The following DLC1 variants were observed in gnomAD, a reference collection of about 807,000 sequenced individuals.
The protein encoded by DLC1 is rho GTPase-activating protein 7.
Under a neutral mutation model 140.3 loss-of-function variants are expected in DLC1, and 54 were observed. The observed-to-expected ratio is 0.38, with a 90% CI of 0.31 to 0.48. The LOEUF (loss-of-function observed/expected upper bound fraction) is 0.48. Ranked by LOEUF, DLC1 falls within the 20% of genes least tolerant of loss-of-function variation. The pLI is 0.96. For missense variants in DLC1, 2,536 were observed against 1,907.0 expected (o/e 1.33, Z -6.14); for synonymous variants, 986 against 728.1 (o/e 1.35, Z -5.70).
chr8:13,308,051 C>T (rs1489650484), intron 4 of DLC1, among the ~76,000 whole-genome samples: 2 of 152,340 alleles, frequency 1.3e-5, no homozygotes, highest in South Asian at 2.1e-4. Context: ...AAGTTGAAAG[C>T]TTTGCCCCAA....
chr8:13,171,447 G>T (rs1269650524), intron 5 of DLC1, among the ~76,000 whole-genome samples: 2 of 151,500 alleles, frequency 1.3e-5, no homozygotes, highest in Non-Finnish European at 3.0e-5. Context: ...CTGTCACCCA[G>T]ACTGGAGTGC....
intron 4 of DLC1, among the ~76,000 whole-genome samples, chr8:13,330,212 A>G (rs1039827696): frequency 1.3e-5 from 2 of 152,172 alleles, no homozygotes; most frequent in Non-Finnish European, 2.9e-5. Flanking sequence ...TCGGCCTCCC[A>G]AAATGCTGGG....
At chr8:13,506,573 G>GTC (rs1490004716) in intron 1 of DLC1, among the ~76,000 whole-genome samples, 309 of 9,592 alleles carry the variant, frequency 0.032, 5 homozygotes, top group Non-Finnish European at 0.15. Flanking sequence ...ACACATGTGT[G>GTC]TGTGTGTGTA....
intron 5 of DLC1, among the ~76,000 whole-genome samples, chr8:13,123,258 G>C (rs1056681949): frequency 1.1e-4 from 16 of 152,182 alleles, no homozygotes; most frequent in Admixed American, 9.8e-4. Flanking sequence ...GCCCCTGTCA[G>C]GACCCTGCCT....
intron 5 of DLC1, among the ~76,000 whole-genome samples, chr8:13,188,777 ATGTGTGTG>A (rs201849073): frequency 9.2e-6 from 1 of 108,866 alleles, no homozygotes; most frequent in Non-Finnish European, 1.8e-5. Context: ...TGCCCAGCTA[ATGTGTGTG>A]TGTGTGTGTG....
At chr8:13,142,225 T>G (rs529712041) in intron 5 of DLC1, among the ~76,000 whole-genome samples, 51 of 152,332 alleles carry the variant, frequency 3.3e-4, no homozygotes, top group African/African-American at 1.1e-3. Context: ...CTTTATAAAT[T>G]ACCCAGTCTT....
At chr8:13,434,684 A>G (rs574681085) in intron 2 of DLC1, among the ~76,000 whole-genome samples, 2 of 152,142 alleles carry the variant, frequency 1.3e-5, no homozygotes, top group South Asian at 2.1e-4. Flanking sequence ...TTTTATTATT[A>G]GTAGTATTTT....
chr8:13,143,943 G>C (rs1223223349), intron 5 of DLC1, among the ~76,000 whole-genome samples: 2 of 152,090 alleles, frequency 1.3e-5, no homozygotes, highest in Non-Finnish European at 2.9e-5. Flanking sequence ...AAGGCTTTAA[G>C]AGAGGCTGAC....
chr8:13,132,978 C>A (rs1345260040), intron 5 of DLC1: 30 of 1,611,240 alleles, frequency 1.9e-5, no homozygotes, highest in Non-Finnish European at 2.5e-5. Context: ...TCTTTCTGCA[C>A]ATCAAGCACG....
At chr8:13,454,492 T>G (rs1799301555) in intron 2 of DLC1, among the ~76,000 whole-genome samples, 1 of 151,904 alleles carries the variant, frequency 6.6e-6, no homozygotes, top group Admixed American at 6.6e-5. Context: ...AAGAAGGAGT[T>G]AGACTTGGAA....
intron 5 of DLC1, among the ~76,000 whole-genome samples, chr8:13,252,058 C>A (rs1830030447): frequency 1.3e-5 from 2 of 152,176 alleles, no homozygotes; most frequent in South Asian, 4.1e-4. Context: ...GAGCAAGTGA[C>A]CTTTAAGACT....
chr8:13,188,835 ATATATATATT>A (rs1563149802), intron 5 of DLC1, among the ~76,000 whole-genome samples: 24 of 26,538 alleles, frequency 9.0e-4, no homozygotes, highest in African/African-American at 2.8e-3. Context: ...ATGTATATAT[ATATATATATT>A]TTTTTTTTTT....
intron 2 of DLC1, among the ~76,000 whole-genome samples, chr8:13,415,335 A>T (rs989269441): frequency 6.6e-6 from 1 of 152,150 alleles, no homozygotes; most frequent in African/African-American, 2.4e-5. Flanking sequence ...AAGCATAAGC[A>T]TATAAGGATA....
chr8:13,333,552 A>C (rs1265842524), intron 4 of DLC1, among the ~76,000 whole-genome samples: 1 of 152,176 alleles, frequency 6.6e-6, no homozygotes, highest in African/African-American at 2.4e-5. Context: ...GGCTGGCAAA[A>C]ATAAACATTT....
intron 5 of DLC1, among the ~76,000 whole-genome samples, chr8:13,205,673 G>A (rs1290061728): frequency 6.6e-6 from 1 of 152,156 alleles, no homozygotes; most frequent in Non-Finnish European, 1.5e-5. Context: ...TTTATGTTGG[G>A]CTGCATTCAA....
At chr8:13,456,674 G>T (rs1375226445) in intron 2 of DLC1, among the ~76,000 whole-genome samples, 1 of 152,100 alleles carries the variant, frequency 6.6e-6, no homozygotes, top group Non-Finnish European at 1.5e-5. Context: ...GGCCAGGCTG[G>T]TTTTGAACTC....
chr8:13,164,953 G>C (rs1324760471), intron 5 of DLC1, among the ~76,000 whole-genome samples: 1 of 152,152 alleles, frequency 6.6e-6, no homozygotes. Context: ...TTTGTGTGTG[G>C]GAGTTGAAGT....
chr8:13,395,165 G>C (rs931231294), intron 3 of DLC1, among the ~76,000 whole-genome samples: 1 of 149,482 alleles, frequency 6.7e-6, no homozygotes, highest in African/African-American at 2.5e-5. Flanking sequence ...CCGTCGCCCC[G>C]GCTGGAGTGC....
At chr8:13,368,710 G>A (rs188952176) in intron 4 of DLC1, among the ~76,000 whole-genome samples, 5 of 152,200 alleles carry the variant, frequency 3.3e-5, no homozygotes, top group East Asian at 1.9e-4. Flanking sequence ...GAGCCCTCAC[G>A]GAAGGGAAGG....
Sources: allele counts gnomAD v4.1 joint callset (sites outside exome capture counted in the v4.1 genomes callset), GRCh38; gene constraint gnomAD v4.1.1; transcripts MANE v1.5; gene names NCBI Gene and HGNC (gene_info 2026-07-23, HGNC 2026-07-21).